PHKA1: variants seen among roughly 807,000 people sequenced by gnomAD.
PHKA1 encodes phosphorylase kinase regulatory subunit alpha 1.
A neutral mutation model predicts 110.2 loss-of-function variants in PHKA1; 60 were observed. The ratio of observed to expected loss-of-function variants is 0.54; its 90% CI spans 0.44 to 0.68. The LOEUF is 0.68. Ranked by LOEUF, PHKA1 falls within the 30% of genes least tolerant of loss-of-function variation. PHKA1 has a pLI of 0.00. For missense variants in PHKA1, 801 were observed against 942.5 expected (o/e 0.85, Z 1.97); for synonymous variants, 316 against 333.6 (o/e 0.95, Z 0.58).
Position 72,644,391 on chromosome X carries a change from C to T in PHKA1, c.1430G>A (p.Arg477His), listed in dbSNP as rs1437973555. ...GCTGGAATAAATGTGGCTGAGAATACGAGCTGGTTGTACTCTGATGGGGTA... is the reference window on the plus strand; with the variant it reads ...GCTGGAATAAATGTGGCTGAGAATATGAGCTGGTTGTACTCTGATGGGGTA... ...EVYPIRVQPA[R>H]ILSHIYSSLG... The change falls in exon 14 of 32, where the codon CGT becomes CAT. Residue 477 changes from arginine to histidine, a missense_variant. Arg to His is a conservative substitution (Grantham distance 29, BLOSUM62 0). Around this residue, in one of 2 missense-constraint regions of PHKA1, gnomAD observed 299 missense variants for 423.3 expected, o/e 0.71. Coordinates refer to ENST00000373542, the MANE Select transcript of PHKA1 (RefSeq NM_002637.4). The T allele has an allele frequency of 7.5e-6, 9 of 1,207,883 alleles. No individual in the cohort carries two copies. Among genetic ancestry groups the T allele is most frequent in the East Asian group, 3.0e-5 (1 of 33,765 alleles).
intron 21 of PHKA1, among the ~76,000 whole-genome samples, chrX:72,612,245 T>C (rs2052821970): frequency 9.0e-6 from 1 of 111,703 alleles, no homozygotes; most frequent in Non-Finnish European, 1.9e-5. Flanking sequence ...ATTGCAAGAC[T>C]CAATTTATAT....
intron 16 of PHKA1, among the ~76,000 whole-genome samples, chrX:72,630,999 G>GTTTTTTTTTTTTTTTTTTTTTTTTTCT (rs146161152): frequency 2.2e-5 from 1 of 44,710 alleles, no homozygotes; most frequent in Non-Finnish European, 3.8e-5. Flanking sequence ...ATTTTTTCAG[G>GTTTTTTTTTTTTTTTTTTTTTTTTTCT]TTTTTTTTTT....
chrX:72,652,648 C>T lies in PHKA1; in HGVS notation c.1141G>A (p.Asp381Asn), dbSNP rs141251024. 1,072 of 1,120,604 alleles carry T rather than the reference C, an allele frequency of 9.6e-4. No homozygotes were observed. The highest frequency in any genetic ancestry group is 1.2e-3 in the Non-Finnish European group (1,017 of 814,945). 92.4% of individuals were successfully genotyped at this position (1,120,604 alleles called of 1,213,427 possible). The part of the protein sequence containing the change: ...ELYSVPPDRV[D>N]EEYQNPHTVD... Reference sequence around the variant, plus strand: ...GTGTGAGGATTCTGATATTCTTCATCGACCTAAAAGAAAAGATGAAGAGGC... The same window carrying T: ...GTGTGAGGATTCTGATATTCTTCATTGACCTAAAAGAAAAGATGAAGAGGC... Residue 381 changes from aspartate (D) to asparagine (N), a missense_variant, in exon 12 of 32, where the codon GAT (aspartate) becomes AAT (asparagine). Physicochemically the swap from Asp to Asn is conservative, Grantham distance 23. This residue lies in a region of PHKA1 where 299 missense variants were observed against 423.3 expected (regional missense o/e 0.71). Transcript: ENST00000373542.
At chrX:72,624,059 C>T (rs781949581) in intron 17 of PHKA1, among the ~76,000 whole-genome samples, 2 of 111,415 alleles carry the variant, frequency 1.8e-5, no homozygotes, top group Non-Finnish European at 3.8e-5. Context: ...GAAGCTAATA[C>T]GATTTGATCA....
chrX:72,632,670 A>G (rs2053180840), intron 16 of PHKA1, among the ~76,000 whole-genome samples: 1 of 111,578 alleles, frequency 9.0e-6, no homozygotes, highest in African/African-American at 3.3e-5. Flanking sequence ...CCACATTTCA[A>G]TGTGATCACT....
intron 29 of PHKA1, among the ~76,000 whole-genome samples, chrX:72,589,027 T>C (rs1234427606): frequency 1.8e-5 from 2 of 111,910 alleles, no homozygotes; most frequent in East Asian, 5.6e-4. Flanking sequence ...CCATTCCTTC[T>C]GAAACTATTC....
intron 6 of PHKA1, among the ~76,000 whole-genome samples, chrX:72,668,779 C>T (rs1053826797): frequency 1.8e-5 from 2 of 111,702 alleles, no homozygotes; most frequent in African/African-American, 6.5e-5. Flanking sequence ...TACATTCATT[C>T]TAACCCCATA....
At chrX:72,681,767 G>C in intron 5 of PHKA1, among the ~76,000 whole-genome samples, 1 of 57,537 alleles carries the variant, frequency 1.7e-5, no homozygotes, top group Non-Finnish European at 3.1e-5. Context: ...TGGGAGGTGA[G>C]GGGCGCCTCT....
At chrX:72,668,877 T>C (rs1556307558) in intron 6 of PHKA1, among the ~76,000 whole-genome samples, 4 of 111,930 alleles carry the variant, frequency 3.6e-5, no homozygotes, top group Non-Finnish European at 7.5e-5. Context: ...AAACAAGTTA[T>C]CAACTTTCAA....
At chrX:72,615,210 A>G (rs1227686404) in intron 21 of PHKA1, among the ~76,000 whole-genome samples, 1 of 111,819 alleles carries the variant, frequency 8.9e-6, no homozygotes, top group African/African-American at 3.2e-5. Context: ...ACAAAAGCTG[A>G]GGAAATATAT....
At chrX:72,619,957 C>T (rs1323922052) in intron 19 of PHKA1, among the ~76,000 whole-genome samples, 2 of 111,886 alleles carry the variant, frequency 1.8e-5, no homozygotes, top group Non-Finnish European at 3.8e-5. Flanking sequence ...AGAAGTATAA[C>T]AATAAATTTC....
At chrX:72,657,841 C>A (rs2053514881) in intron 8 of PHKA1, among the ~76,000 whole-genome samples, 200 bp from the exon 9 acceptor site, 1 of 111,377 alleles carries the variant, frequency 9.0e-6, no homozygotes, top group Admixed American at 9.5e-5. Context: ...CAGATTTCAG[C>A]AATGTGATTT....
At position 72,650,432 on chromosome X, in the gene PHKA1, G is replaced by A. The variant is rs2147757116; in HGVS notation, c.1282C>T (p.Arg428Cys). ...LAPGEIDPLN[R>C]RFSTVPKPDV... ...GGCTTCGGTACAGTAGAAAACCTGC[G>A]ATTCAGGGGATCAATTTCTCCAGGG... The change falls in exon 13 of 32, where the codon CGC becomes TGC. Residue 428 changes from arginine (R) to cysteine (C), a missense_variant. This residue lies in a region of PHKA1 where 299 missense variants were observed against 423.3 expected (regional missense o/e 0.71). Transcript: ENST00000373542. 7 of 1,208,985 alleles carry A rather than the reference G, an allele frequency of 5.8e-6. No homozygotes were observed. The Middle Eastern group carries it at 6.9e-4, about 119-fold the overall frequency.
chrX:72,580,813 A>G lies in PHKA1; in HGVS notation c.*189T>C. On this transcript the variant is annotated 3_prime_UTR_variant, in exon 32 of 32. Transcript: ENST00000373542. ...AGATTGTCACTGGTTCTGCAAGGTG[A>G]GCCTCCAGGTAAGTGTTCACTTCTT... The G allele has an allele frequency of 4.3e-6, 2 of 465,547 alleles. No individual in the cohort carries two copies. The highest frequency in any genetic ancestry group is 7.6e-6 in the Non-Finnish European group (2 of 262,679). 38.4% of individuals were successfully genotyped at this position (465,547 alleles called of 1,213,427 possible). A position where few individuals can be genotyped will look rare whatever the true frequency, so the allele number is the denominator to read the frequency against.
At chrX:72,633,015 T>A (rs1221959733) in intron 16 of PHKA1, among the ~76,000 whole-genome samples, 1 of 111,985 alleles carries the variant, frequency 8.9e-6, no homozygotes, top group Non-Finnish European at 1.9e-5. Context: ...TTATTCTGCT[T>A]CCCAAGCTGT....
In PHKA1 at chrX:72,605,612, G is replaced by A; in HGVS notation, c.2614C>T (p.Pro872Ser). 1 of 1,195,409 alleles carries A rather than the reference G, an allele frequency of 8.4e-7. No individual in the cohort carries two copies. The highest frequency in any genetic ancestry group is 1.1e-6 in the Non-Finnish European group (1 of 880,741). Reference protein sequence around the residue: ...PREKTISAPLPYEALTQLIDE... With the variant: ...PREKTISAPLSYEALTQLIDE... ...ATCAGCTGAGTGAGCGCCTCATAGGGCAGAGGTCTAAGGAAAAAGACAGCA... is the reference window on the plus strand; with the variant it reads ...ATCAGCTGAGTGAGCGCCTCATAGGACAGAGGTCTAAGGAAAAAGACAGCA... Residue 872 changes from proline (P) to serine (S), a missense_variant, in exon 24 of 32, where the codon CCC becomes TCC. Physicochemically the swap from Pro to Ser is moderately conservative, Grantham distance 74. Transcript: ENST00000373542.
intron 25 of PHKA1, among the ~76,000 whole-genome samples, chrX:72,603,886 G>A (rs2052691878): frequency 9.0e-6 from 1 of 110,823 alleles, no homozygotes; most frequent in South Asian, 3.8e-4. Flanking sequence ...AATTGCCTTT[G>A]AAATCAATGG....
At chrX:72,608,354 A>G (rs2052760526) in intron 23 of PHKA1, among the ~76,000 whole-genome samples, 1 of 111,215 alleles carries the variant, frequency 9.0e-6, no homozygotes, top group African/African-American at 3.3e-5. Context: ...CAGTGGAAGG[A>G]AGGATTCTCT....
intron 6 of PHKA1, among the ~76,000 whole-genome samples, chrX:72,673,647 AAC>A (rs1484950509): frequency 2.7e-5 from 3 of 110,464 alleles, no homozygotes; most frequent in Non-Finnish European, 3.8e-5. Context: ...TTCTCTGTCA[AAC>A]ACTTTCATTC....
Sources: allele counts gnomAD v4.1 joint callset (sites outside exome capture counted in the v4.1 genomes callset), GRCh38; gene constraint gnomAD v4.1.1; regional missense constraint gnomAD v4.1.1; transcripts MANE v1.5; gene names NCBI Gene and HGNC (gene_info 2026-07-23, HGNC 2026-07-21).